Variants in COL14A1 observed in about 807,000 individuals in gnomAD.
COL14A1 encodes the protein collagen type XIV alpha 1 chain, also known as collagen alpha-1(XIV) chain.
In COL14A1, 136 loss-of-function variants were observed where a neutral mutation model predicts 230.3. The ratio of observed to expected loss-of-function variants is 0.59; its 90% CI spans 0.51 to 0.68. The LOEUF is 0.68. Ranked by LOEUF, COL14A1 falls within the 30% of genes least tolerant of loss-of-function variation. COL14A1 has a pLI of 0.00. For missense variants in COL14A1, 1,976 were observed against 2,215.8 expected (o/e 0.89, Z 2.17); for synonymous variants, 792 against 784.1 (o/e 1.01, Z -0.17).
intron 9 of COL14A1, among the ~76,000 whole-genome samples, chr8:120,204,268 A>G (rs1341842653): frequency 6.6e-6 from 1 of 152,202 alleles, no homozygotes; most frequent in Non-Finnish European, 1.5e-5. Flanking sequence ...GACACAGGCA[A>G]GACACAGCAC....
chr8:120,136,439 G>C (rs1814709911), intron 1 of COL14A1, among the ~76,000 whole-genome samples: 1 of 151,488 alleles, frequency 6.6e-6, no homozygotes, highest in Non-Finnish European at 1.5e-5. Flanking sequence ...TTATCTTGAT[G>C]GTTAGCCTTT....
intron 26 of COL14A1, among the ~76,000 whole-genome samples, chr8:120,276,842 A>T (rs1039645960): frequency 1.3e-5 from 2 of 151,644 alleles, no homozygotes; most frequent in Non-Finnish European, 2.9e-5. Context: ...AATAATAAAA[A>T]AAAATAAAAT....
intron 40 of COL14A1, among the ~76,000 whole-genome samples, chr8:120,319,381 C>A (rs1821354421): frequency 6.6e-6 from 1 of 151,764 alleles, no homozygotes; most frequent in South Asian, 2.1e-4. Flanking sequence ...TGCTGTGTTG[C>A]CCAGGGTGGT....
chr8:120,238,114 C>T (rs1026337421), intron 19 of COL14A1, among the ~76,000 whole-genome samples: 1 of 152,132 alleles, frequency 6.6e-6, no homozygotes, highest in Non-Finnish European at 1.5e-5. Flanking sequence ...ACTGTCTGTC[C>T]CTTAGCAGAG....
chr8:120,291,823 T>C (rs936413939), intron 34 of COL14A1, among the ~76,000 whole-genome samples: 1 of 152,044 alleles, frequency 6.6e-6, no homozygotes, highest in African/African-American at 2.4e-5. Context: ...CACATACTAT[T>C]TTGTTTCTCT....
intron 19 of COL14A1, among the ~76,000 whole-genome samples, chr8:120,240,737 A>G (rs144827237): frequency 4.6e-4 from 70 of 152,314 alleles, no homozygotes; most frequent in African/African-American, 1.2e-3. Flanking sequence ...CAGCTTAAAC[A>G]TATGTAAAAC....
At chr8:120,130,244 T>C (rs770248617) in intron 1 of COL14A1, among the ~76,000 whole-genome samples, 1 of 152,212 alleles carries the variant, frequency 6.6e-6, no homozygotes, top group African/African-American at 2.4e-5. Flanking sequence ...TACATAGACT[T>C]GCATATTGGC....
intron 19 of COL14A1, among the ~76,000 whole-genome samples, chr8:120,233,923 T>C (rs1285332980): frequency 1.3e-5 from 2 of 152,194 alleles, no homozygotes; most frequent in African/African-American, 4.8e-5. Context: ...TGGCCATTTT[T>C]ATGATATTGA....
intron 19 of COL14A1, among the ~76,000 whole-genome samples, chr8:120,243,158 C>T (rs1044920681): frequency 1.3e-5 from 2 of 152,168 alleles, no homozygotes; most frequent in African/African-American, 2.4e-5. Flanking sequence ...CGATTCTTTT[C>T]GAGGTGGCAG....
chr8:120,196,534 C>T (rs1314444105), intron 5 of COL14A1, among the ~76,000 whole-genome samples: 1 of 152,204 alleles, frequency 6.6e-6, no homozygotes, highest in Non-Finnish European at 1.5e-5. Flanking sequence ...CTAAAATACA[C>T]AGAAGGCTGA....
intron 4 of COL14A1, among the ~76,000 whole-genome samples, chr8:120,163,735 C>A (rs112514699): frequency 1.3e-5 from 2 of 152,102 alleles, no homozygotes; most frequent in Non-Finnish European, 2.9e-5. Context: ...CGCCCTCCAG[C>A]CTGGGCAACA....
intron 19 of COL14A1, among the ~76,000 whole-genome samples, chr8:120,235,404 T>A (rs1277195782): frequency 6.6e-6 from 1 of 152,002 alleles, no homozygotes; most frequent in Non-Finnish European, 1.5e-5. Context: ...CTCCTGACCC[T>A]GTTATCTGCC....
Position 120,263,273 on chromosome 8 carries a change from G to T in COL14A1, c.3016+259G>T, listed in dbSNP as rs997678189. 3.9e-5 allele frequency among the ~76,000 whole-genome samples: 6 copies of T among 152,260 alleles called. No individual in the cohort carries two copies. The South Asian group carries it at 1.2e-3, about 32-fold the overall frequency. On this transcript the variant is annotated intron_variant, in intron 24 of 47. Transcript: ENST00000297848. The stretch of plus-strand genomic sequence containing the variant: ...GGCCACACGATAGTAAAGCAGTTGA[G>T]ACAATGACTTACATTGTGATCCAGA...
intron 40 of COL14A1, among the ~76,000 whole-genome samples, chr8:120,331,625 C>T (rs1821868361): frequency 6.6e-6 from 1 of 152,204 alleles, no homozygotes; most frequent in African/African-American, 2.4e-5. Context: ...CGATGACACT[C>T]AGTAAATCTG....
rs182563945 is a variant in COL14A1, at chr8:120,262,243, C to T, written c.2870-625C>T. On this transcript the variant is annotated intron_variant, in intron 23 of 47. Coordinates refer to ENST00000297848, the MANE Select transcript of COL14A1 (RefSeq NM_021110.4). ...ATCCCAGCACTTTCAGAGGCTGAGG[C>T]GGGTGGATCATCTAAGGTCAGGAAT... 2.1e-3 allele frequency among the ~76,000 whole-genome samples: 317 copies of T among 152,064 alleles called. 6 individuals are homozygous for T. The highest frequency in any genetic ancestry group is 0.019 in the Admixed American group (284 of 15,268).
Position 120,243,906 on chromosome 8 carries a change from C to T in COL14A1, c.2377C>T (p.Leu793Phe). 6.2e-7 allele frequency: 1 copy of T among 1,613,622 alleles called. No homozygotes were observed. Among genetic ancestry groups the T allele is most frequent in the Non-Finnish European group, 8.5e-7 (1 of 1,179,668 alleles). The change falls in exon 20 of 48, where the codon CTC becomes TTC. Residue 793 changes from leucine (L) to phenylalanine (F), a missense_variant. Leu to Phe is a conservative substitution (Grantham distance 22, BLOSUM62 0). Transcript: ENST00000297848. ...TATGGTGCCTGGAAGCCAGAACAAC[C>T]TCCTTCTGAAGCCTCTGCTTCCTGA... ...TVMVPGSQNNLLLKPLLPDTE... is the reference protein window; with the variant it reads ...TVMVPGSQNNFLLKPLLPDTE...
chr8:120,367,812 G>C (rs1020160347), intron 46 of COL14A1, among the ~76,000 whole-genome samples: 8 of 151,990 alleles, frequency 5.3e-5, no homozygotes, highest in African/African-American at 1.9e-4. Context: ...AGGCGTGGTG[G>C]CATGTGCTTG....
Position 120,354,496 on chromosome 8 carries a change from A to T in COL14A1, c.5077+8933A>T, listed in dbSNP as rs184722860. Among the ~76,000 whole-genome samples, 694 of 152,212 alleles carry T rather than the reference A, an allele frequency of 4.6e-3. 2 individuals carry two copies. The highest frequency in any genetic ancestry group is 7.6e-3 in the Non-Finnish European group (515 of 68,024). On this transcript the variant is annotated intron_variant, in intron 45 of 47. Transcript: ENST00000297848. Reference sequence around the variant, plus strand: ...AGAATATGCATTTTTAGAGAGCAGAAGAAAAATTATGGATTTTCCTTTCAT... The same window carrying T: ...AGAATATGCATTTTTAGAGAGCAGATGAAAAATTATGGATTTTCCTTTCAT...
intron 11 of COL14A1, 31 bp from the exon 12 acceptor site, chr8:120,209,725 G>A (rs1161756754): frequency 1.3e-6 from 2 of 1,591,628 alleles, no homozygotes; most frequent in Non-Finnish European, 1.7e-6. Context: ...ATATATAAGT[G>A]GCTCAACATT....
Sources: allele counts gnomAD v4.1 joint callset (sites outside exome capture counted in the v4.1 genomes callset), GRCh38; gene constraint gnomAD v4.1.1; transcripts MANE v1.5; gene names NCBI Gene and HGNC (gene_info 2026-07-23, HGNC 2026-07-21).